The following PNPLA4 variants were observed in gnomAD, a reference collection of about 807,000 sequenced individuals.
PNPLA4 encodes patatin like domain 4, phospholipase and triacylglycerol lipase, also known as patatin-like phospholipase domain-containing protein 4.
A neutral mutation model predicts 18.3 loss-of-function variants in PNPLA4; 15 were observed. The observed-to-expected ratio is 0.82, with a 90% CI of 0.55 to 1.26. The LOEUF is 1.26. Among genes scored for constraint, PNPLA4 ranks in the 50% most tolerant of loss-of-function variants. The pLI, the probability that PNPLA4 is intolerant of heterozygous loss-of-function variation, is 0.00. For synonymous variants in PNPLA4, 88 were observed against 85.6 expected (o/e 1.03, Z -0.16); for missense variants, 229 against 196.8 (o/e 1.16, Z -0.98).
intron 4 of PNPLA4, among the ~76,000 whole-genome samples, chrX:7,915,602 G>C (rs1924021495): frequency 8.9e-6 from 1 of 111,978 alleles, no homozygotes; most frequent in African/African-American, 3.2e-5. Context: ...TCTTCCTGTA[G>C]CAACTGTATA....
chrX:7,921,638 A>G, intron 4 of PNPLA4, 75 bp downstream of exon 4: 1 of 908,395 alleles, frequency 1.1e-6, no homozygotes, highest in Admixed American at 2.2e-5. Flanking sequence ...GAACGTGGTA[A>G]TGCTCATTAC....
At chrX:7,917,329 C>A (rs1924075805) in intron 4 of PNPLA4, among the ~76,000 whole-genome samples, 4 of 112,188 alleles carry the variant, frequency 3.6e-5, no homozygotes, top group African/African-American at 9.7e-5. Flanking sequence ...GTAGCAAGAA[C>A]TCAGTAGCAA....
intron 4 of PNPLA4, among the ~76,000 whole-genome samples, chrX:7,913,521 C>T (rs1291991002): frequency 8.9e-6 from 1 of 112,012 alleles, no homozygotes; most frequent in African/African-American, 3.2e-5. Context: ...GTGGCAAATT[C>T]AAGGGTAACA....
chrX:7,921,057 G>T (rs749473181), intron 4 of PNPLA4, among the ~76,000 whole-genome samples: 1 of 111,810 alleles, frequency 8.9e-6, no homozygotes, highest in South Asian at 3.8e-4. Context: ...ATCATTTGAG[G>T]TCAGTAGTTC....
rs372910601 is a variant in PNPLA4, at chrX:7,926,126, T to C, written c.-7A>G. On this transcript the variant is annotated 5_prime_UTR_variant, in exon 2 of 7. Coordinates refer to ENST00000381042, the MANE Select transcript of PNPLA4 (RefSeq NM_004650.3). ...ATAGGTTGATGTGCTTCATTCTAGC[T>C]GTAGCACTGGCAATACAAAAAACAA... 8.3e-7 allele frequency: 1 copy of C among 1,198,353 alleles called. No individual in the cohort carries two copies. The highest frequency in any genetic ancestry group is 1.1e-6 in the Non-Finnish European group (1 of 886,796).
intron 2 of PNPLA4, among the ~76,000 whole-genome samples, chrX:7,924,145 C>T (rs770177987): frequency 8.9e-6 from 1 of 112,004 alleles, no homozygotes; most frequent in Non-Finnish European, 1.9e-5. Context: ...ATGGCTTCCT[C>T]GCAAATTGTG....
intron 5 of PNPLA4, among the ~76,000 whole-genome samples, chrX:7,903,457 G>A (rs1923610293): frequency 9.1e-6 from 1 of 110,389 alleles, no homozygotes; most frequent in South Asian, 3.9e-4. Context: ...CCGCCACCAT[G>A]CCCGGCTAAT....
intron 5 of PNPLA4, among the ~76,000 whole-genome samples, chrX:7,903,020 A>G (rs1016012264): frequency 1.2e-4 from 14 of 112,191 alleles, no homozygotes; most frequent in African/African-American, 4.2e-4. Context: ...GTTATTAAAA[A>G]TAGCCTTCAG....
chrX:7,925,038 C>T (rs1924348877), intron 2 of PNPLA4, among the ~76,000 whole-genome samples: 1 of 112,242 alleles, frequency 8.9e-6, no homozygotes, highest in Admixed American at 9.4e-5. Flanking sequence ...CCTGTTTAAT[C>T]TCTGCAGTTT....
At position 7,920,248 on chromosome X, in the gene PNPLA4, AC is replaced by A. The variant is rs1362690125; in HGVS notation, c.411+1464del. Among the ~76,000 whole-genome samples, 8 of 47,930 alleles carry A rather than the reference AC, an allele frequency of 1.7e-4. No individual in the cohort carries two copies. In the East Asian group the frequency reaches 0.012, roughly 69 times the overall value. The allele number at this position is 47,930 out of a possible 115,157, so 41.6% of individuals were successfully genotyped here. A position where few individuals can be genotyped will look rare whatever the true frequency, so the allele number is the denominator to read the frequency against. On this transcript the variant is annotated intron_variant, in intron 4 of 6. Transcript: ENST00000381042. ...CCCCCTCATTTTATGTCACAAGAGC[AC>A]ACAGTCTGTTCCTAGGTAAACAAGA...
At chrX:7,907,775 C>T (rs1240518901) in intron 5 of PNPLA4, among the ~76,000 whole-genome samples, 5 of 107,918 alleles carry the variant, frequency 4.6e-5, no homozygotes, top group African/African-American at 1.4e-4. Flanking sequence ...GGCTGGAGTA[C>T]GGTGGTGTGA....
At chrX:7,923,846 G>A (rs910251155) in intron 2 of PNPLA4, among the ~76,000 whole-genome samples, 1 of 110,785 alleles carries the variant, frequency 9.0e-6, no homozygotes. Flanking sequence ...CCCCTGCCCC[G>A]GGGGTAATGA....
chrX:7,920,859 T>C (rs750917709), intron 4 of PNPLA4, among the ~76,000 whole-genome samples: 1 of 112,596 alleles, frequency 8.9e-6, no homozygotes, highest in Admixed American at 9.4e-5. Flanking sequence ...AATGGAACAT[T>C]AGATTGAAAA....
chrX:7,907,470 A>G (rs1193357375), intron 5 of PNPLA4, among the ~76,000 whole-genome samples: 1 of 112,444 alleles, frequency 8.9e-6, no homozygotes, highest in Non-Finnish European at 1.9e-5. Flanking sequence ...CCAAATTGAC[A>G]AGAATCTGTG....
At chrX:7,916,020 A>G (rs1220518611) in intron 4 of PNPLA4, among the ~76,000 whole-genome samples, 1 of 111,859 alleles carries the variant, frequency 8.9e-6, no homozygotes, top group East Asian at 2.8e-4. Context: ...ATGGTGCAGG[A>G]AAGGCTTCCT....
At position 7,900,590 on chromosome X, in the gene PNPLA4, A is replaced by C; in HGVS notation, c.*96T>G. The C allele has an allele frequency of 1.7e-6, 1 of 571,492 alleles. No individual in the cohort carries two copies. Among genetic ancestry groups the C allele is most frequent in the Non-Finnish European group, 2.7e-6 (1 of 370,366 alleles). The allele number at this position is 571,492 out of a possible 1,213,427, so 47.1% of individuals were successfully genotyped here. ...ACACAAATATTACAAGGAGTAATAC[A>C]ATTGAGTCATGATAGATTTTCTAAA... On this transcript the variant is annotated 3_prime_UTR_variant, in exon 7 of 7. Transcript: ENST00000381042.
At chrX:7,919,847 G>T (rs980757651) in intron 4 of PNPLA4, among the ~76,000 whole-genome samples, 15 of 112,091 alleles carry the variant, frequency 1.3e-4, no homozygotes, top group Non-Finnish European at 3.8e-5. Context: ...ATGTGATTTT[G>T]CCCAGGTCAT....
intron 6 of PNPLA4, among the ~76,000 whole-genome samples, chrX:7,901,144 T>C (rs1003561675): frequency 2.7e-5 from 3 of 112,071 alleles, no homozygotes; most frequent in African/African-American, 6.5e-5. Flanking sequence ...TAGTACAATA[T>C]CATCCCATGT....
intron 1 of PNPLA4, among the ~76,000 whole-genome samples, chrX:7,926,347 A>G (rs771451953): frequency 8.9e-6 from 1 of 112,491 alleles, no homozygotes; most frequent in South Asian, 3.7e-4. Context: ...CATTAAAACA[A>G]AACAAAACAA....
Sources: allele counts gnomAD v4.1 joint callset (sites outside exome capture counted in the v4.1 genomes callset), GRCh38; gene constraint gnomAD v4.1.1; transcripts MANE v1.5; gene names NCBI Gene and HGNC (gene_info 2026-07-23, HGNC 2026-07-21).